The following LRMDA variants were observed in gnomAD, a reference collection of about 807,000 sequenced individuals.
LRMDA encodes leucine-rich melanocyte differentiation-associated protein.
LRMDA carries 18 observed loss-of-function variants against 29.8 expected under a neutral mutation model. The observed-to-expected ratio is 0.60, with a 90% CI of 0.42 to 0.90. The LOEUF (loss-of-function observed/expected upper bound fraction) is 0.90, where lower values mean the gene tolerates loss of function less well. Among genes scored for constraint, LRMDA ranks in the 40% least tolerant of loss-of-function variants. LRMDA has a pLI of 0.00. For synonymous variants in LRMDA, 125 were observed against 109.4 expected (o/e 1.14, Z -0.89); for missense variants, 273 against 273.9 (o/e 1.00, Z 0.02).
rs11399334 is a variant in LRMDA at position 75,706,243 on chromosome 10, AT to A, written c.131+267759del. ...TATGGACTATATAGTTTTCTCACAT[AT>A]TTTTTTTTTGCCATTTTAGCAGTAT... On this transcript the variant is annotated intron_variant, in intron 2 of 6. Transcript: ENST00000611255. Among the ~76,000 whole-genome samples the A allele has an allele frequency of 4.4e-4, 66 of 149,702 alleles. 1 individual carries two copies. Among genetic ancestry groups the A allele is most frequent in the South Asian group, 1.5e-3 (7 of 4,724 alleles).
chr10:75,933,459 G>T (rs1846237068), intron 2 of LRMDA, among the ~76,000 whole-genome samples: 1 of 152,218 alleles, frequency 6.6e-6, no homozygotes, highest in Admixed American at 6.5e-5. Flanking sequence ...GCATGAAAAA[G>T]AAATGACCTG....
chr10:75,471,128 T>A (rs574135712), intron 2 of LRMDA, among the ~76,000 whole-genome samples: 1 of 152,194 alleles, frequency 6.6e-6, no homozygotes, highest in African/African-American at 2.4e-5. Context: ...GACAGACGTT[T>A]TCTAACTGCC....
At chr10:76,091,412 A>T (rs1376728830) in intron 5 of LRMDA, among the ~76,000 whole-genome samples, 1 of 151,996 alleles carries the variant, frequency 6.6e-6, no homozygotes, top group Non-Finnish European at 1.5e-5. Context: ...ACAAAGATGG[A>T]TTCCTTCCCT....
At chr10:75,696,837 A>G (rs1842241243) in intron 2 of LRMDA, among the ~76,000 whole-genome samples, 2 of 152,132 alleles carry the variant, frequency 1.3e-5, no homozygotes, top group African/African-American at 2.4e-5. Context: ...GTGTATTGCT[A>G]TGAAACCTGT....
chr10:76,050,726 A>G (rs1054161241), intron 4 of LRMDA, among the ~76,000 whole-genome samples: 8 of 152,240 alleles, frequency 5.3e-5, no homozygotes, highest in Admixed American at 5.2e-4. Context: ...GTGGATTTCA[A>G]CGCTAGCCAA....
intron 5 of LRMDA, among the ~76,000 whole-genome samples, chr10:76,271,025 CT>C (rs1198303755): frequency 6.6e-6 from 1 of 152,220 alleles, no homozygotes; most frequent in Admixed American, 6.5e-5. Flanking sequence ...CTCTTTCCCC[CT>C]GTCCTTTGCC....
intron 6 of LRMDA, among the ~76,000 whole-genome samples, chr10:76,545,665 A>G (rs75814222): frequency 7.7e-5 from 9 of 117,306 alleles, no homozygotes; most frequent in African/African-American, 2.7e-4. Context: ...TATTATTATT[A>G]TTATTATTGT....
intron 5 of LRMDA, among the ~76,000 whole-genome samples, chr10:76,179,041 G>T (rs1850993050): frequency 6.6e-6 from 1 of 152,156 alleles, no homozygotes; most frequent in Non-Finnish European, 1.5e-5. Context: ...AAGAATTTCT[G>T]GTTGTTTCCT....
intron 2 of LRMDA, among the ~76,000 whole-genome samples, chr10:75,551,203 C>A (rs1033664991): frequency 6.7e-6 from 1 of 148,670 alleles, no homozygotes; most frequent in Non-Finnish European, 1.5e-5. Flanking sequence ...GAAGGATGTT[C>A]CACAGAAATA....
chr10:75,499,303 C>T (rs1445197511), intron 2 of LRMDA, among the ~76,000 whole-genome samples: 1 of 152,172 alleles, frequency 6.6e-6, no homozygotes, highest in African/African-American at 2.4e-5. Context: ...ATTCATCTCT[C>T]CCTGCCTGTG....
intron 5 of LRMDA, among the ~76,000 whole-genome samples, chr10:76,125,521 C>A (rs1564659362): frequency 6.6e-6 from 1 of 152,116 alleles, no homozygotes; most frequent in African/African-American, 2.4e-5. Context: ...GATGAAAGGT[C>A]ATTTAATAAA....
At position 76,240,098 on chromosome 10, in the gene LRMDA, A is replaced by G. The variant is rs565550584; in HGVS notation, c.517-84303A>G. On this transcript the variant is annotated intron_variant, in intron 5 of 6. Transcript: ENST00000611255. ...CTAAGGACATGTATAGACAATTCTCAAAAAAGATATACAAATGGCCAACAT... is the reference window on the plus strand; with the variant it reads ...CTAAGGACATGTATAGACAATTCTCGAAAAAGATATACAAATGGCCAACAT... 6.6e-5 allele frequency among the ~76,000 whole-genome samples: 10 copies of G among 152,008 alleles called. No homozygotes were observed. In the East Asian group the frequency reaches 1.7e-3, roughly 26 times the overall value.
chr10:75,819,028 TTACTC>T (rs1309524828), intron 2 of LRMDA, among the ~76,000 whole-genome samples: 4 of 152,236 alleles, frequency 2.6e-5, no homozygotes, highest in Non-Finnish European at 2.9e-5. Context: ...GTGGAAAAGA[TTACTC>T]TAGGCAAATT....
chr10:76,403,662 A>G (rs1841872799), intron 6 of LRMDA, among the ~76,000 whole-genome samples: 1 of 152,184 alleles, frequency 6.6e-6, no homozygotes, highest in Admixed American at 6.5e-5. Flanking sequence ...GTTGATAATT[A>G]TAATTTTGAA....
chr10:75,634,871 A>T (rs556288309), intron 2 of LRMDA, among the ~76,000 whole-genome samples: 1 of 152,228 alleles, frequency 6.6e-6, no homozygotes, highest in Admixed American at 6.5e-5. Flanking sequence ...ACAAATTCAG[A>T]AGAAAGAATG....
chr10:76,319,908 A>T (rs1370015545), intron 5 of LRMDA, among the ~76,000 whole-genome samples: 1 of 152,144 alleles, frequency 6.6e-6, no homozygotes, highest in Non-Finnish European at 1.5e-5. Context: ...TGGGAGATTT[A>T]TGGCTATTAA....
intron 5 of LRMDA, among the ~76,000 whole-genome samples, chr10:76,212,982 T>C (rs1851663439): frequency 6.6e-6 from 1 of 152,170 alleles, no homozygotes; most frequent in African/African-American, 2.4e-5. Flanking sequence ...CCTCCTAATT[T>C]TGTGAGCTCG....
chr10:75,877,289 C>T (rs1564594205), intron 2 of LRMDA, among the ~76,000 whole-genome samples: 2 of 152,350 alleles, frequency 1.3e-5, no homozygotes, highest in Middle Eastern at 6.8e-3. Flanking sequence ...GAATCCTCTG[C>T]CATGAGTTGG....
At chr10:75,594,936 A>G (rs1840767740) in intron 2 of LRMDA, among the ~76,000 whole-genome samples, 1 of 152,172 alleles carries the variant, frequency 6.6e-6, no homozygotes, top group Non-Finnish European at 1.5e-5. Context: ...TGTTCACTAT[A>G]TATTGATGAA....
Sources: gnomAD v4.1 joint callset for allele counts (sites outside exome capture counted in the v4.1 genomes callset) on GRCh38, gnomAD v4.1.1 for gene constraint, MANE v1.5 for transcripts, NCBI Gene and HGNC (gene_info 2026-07-23, HGNC 2026-07-21) for gene names.